Variants in MRTFB observed in about 807,000 individuals in gnomAD.
The protein encoded by MRTFB is myocardin related transcription factor B, also known as myocardin-related transcription factor B.
In MRTFB, 29 loss-of-function variants were observed where a neutral mutation model predicts 104.2. That is an observed-to-expected ratio of 0.28 (90% CI 0.21 to 0.38). The LOEUF (loss-of-function observed/expected upper bound fraction) is 0.38. MRTFB is among the 10% of genes least tolerant of loss of function. The pLI, the probability that MRTFB is intolerant of heterozygous loss-of-function variation, is 1.00. For missense variants in MRTFB, 1,270 were observed against 1,341.6 expected (o/e 0.95, Z 0.83); for synonymous variants, 535 against 519.5 (o/e 1.03, Z -0.41).
chr16:14,172,609 C>G (rs2039459022), intron 3 of MRTFB, among the ~76,000 whole-genome samples: 1 of 152,034 alleles, frequency 6.6e-6, no homozygotes, highest in Non-Finnish European at 1.5e-5. Context: ...ATTGCTTTCC[C>G]AGAGGGTTGC....
chr16:14,118,021 T>C (rs2036630865), intron 2 of MRTFB, among the ~76,000 whole-genome samples: 1 of 152,198 alleles, frequency 6.6e-6, no homozygotes, highest in Non-Finnish European at 1.5e-5. Context: ...TTGCTAGCTT[T>C]GATTTACATT....
At chr16:14,233,242 A>C (rs1204479326) in intron 8 of MRTFB, among the ~76,000 whole-genome samples, 1 of 152,226 alleles carries the variant, frequency 6.6e-6, no homozygotes, top group Non-Finnish European at 1.5e-5. Flanking sequence ...TCGGTAAAAC[A>C]GATCAGTCTT....
At chr16:14,181,444 T>A (rs937467383) in intron 3 of MRTFB, among the ~76,000 whole-genome samples, 1 of 150,310 alleles carries the variant, frequency 6.7e-6, no homozygotes. Context: ...TGACTCAGCC[T>A]GTGTGAAGGA....
Position 14,263,831 on chromosome 16 carries a change from C to T in MRTFB, c.*2387C>T, listed in dbSNP as rs570751227. The T allele has an allele frequency of 6.6e-6, 1 of 152,302 alleles. No individual in the cohort carries two copies. The highest frequency in any genetic ancestry group is 2.1e-4 in the South Asian group (1 of 4,828). 9.4% of individuals were successfully genotyped at this position (152,302 alleles called of 1,614,324 possible). On this transcript the variant is annotated 3_prime_UTR_variant, in exon 17 of 17. Transcript: ENST00000571589. ...ATCTCTACCCATTAACTCTGCAAGC[C>T]ACTCCACTTGCACCATTCCGCTTGA... is the stretch of plus-strand genomic sequence containing the variant.
intron 2 of MRTFB, among the ~76,000 whole-genome samples, chr16:14,117,549 G>A (rs1414670002): frequency 6.6e-6 from 1 of 152,208 alleles, no homozygotes; most frequent in East Asian, 1.9e-4. Context: ...AATGTCTGTT[G>A]TGTTTGTTTA....
chr16:14,237,573 T>G (rs1435403024), intron 9 of MRTFB, among the ~76,000 whole-genome samples: 2 of 152,214 alleles, frequency 1.3e-5, no homozygotes, highest in Admixed American at 6.5e-5. Context: ...GAAATGAGTC[T>G]GTAGCTTGAT....
intron 3 of MRTFB, among the ~76,000 whole-genome samples, chr16:14,162,896 A>T (rs1461270723): frequency 6.6e-6 from 1 of 152,208 alleles, no homozygotes; most frequent in African/African-American, 2.4e-5. Context: ...ATAGGTAACA[A>T]ATAGAAATCC....
At chr16:14,028,626 A>C in the MRTFB span, among the ~76,000 whole-genome samples, 1 of 152,216 alleles carries the variant, frequency 6.6e-6, no homozygotes, top group Non-Finnish European at 1.5e-5. Context: ...GCCTGCCTGC[A>C]ACTCGGAATT....
At chr16:14,145,252 T>G (rs2038250877) in intron 3 of MRTFB, among the ~76,000 whole-genome samples, 1 of 151,964 alleles carries the variant, frequency 6.6e-6, no homozygotes, top group African/African-American at 2.4e-5. Flanking sequence ...AAAGTATTGT[T>G]TAGATATTAT....
intron 2 of MRTFB, among the ~76,000 whole-genome samples, chr16:14,101,206 C>G (rs1461568544): frequency 1.4e-5 from 2 of 141,370 alleles, no homozygotes; most frequent in Non-Finnish European, 3.0e-5. Context: ...TGAGCTGTTT[C>G]CTCTCTAAGA....
At chr16:14,215,507 C>T (rs2041378332) in intron 6 of MRTFB, among the ~76,000 whole-genome samples, 1 of 152,218 alleles carries the variant, frequency 6.6e-6, no homozygotes, top group Non-Finnish European at 1.5e-5. Flanking sequence ...GCTCTACTTA[C>T]TTACTTACTT....
chr16:14,086,726 A>G (rs1444987394), intron 2 of MRTFB, among the ~76,000 whole-genome samples: 1 of 152,210 alleles, frequency 6.6e-6, no homozygotes, highest in Non-Finnish European at 1.5e-5. Context: ...TGCATGCTTT[A>G]AAGCCCTGAT....
At chr16:14,193,476 G>T (rs541909608) in intron 3 of MRTFB, among the ~76,000 whole-genome samples, 1 of 151,920 alleles carries the variant, frequency 6.6e-6, no homozygotes, top group Non-Finnish European at 1.5e-5. Flanking sequence ...TTCAGATGTC[G>T]CCTTCTCACA....
chr16:14,101,167 T>A (rs2035684780), intron 2 of MRTFB, among the ~76,000 whole-genome samples: 1 of 145,036 alleles, frequency 6.9e-6, no homozygotes, highest in Non-Finnish European at 1.5e-5. Flanking sequence ...ATTTTAAGGG[T>A]AAAGTGTAGT....
the MRTFB span, among the ~76,000 whole-genome samples, chr16:14,046,137 T>C: frequency 6.6e-6 from 1 of 152,108 alleles, no homozygotes; most frequent in Non-Finnish European, 1.5e-5. Context: ...TGTTTCTCTG[T>C]CAGATCCCTC....
intron 3 of MRTFB, among the ~76,000 whole-genome samples, chr16:14,183,543 TA>T (rs1567424559): frequency 6.6e-6 from 1 of 152,120 alleles, no homozygotes; most frequent in African/African-American, 2.4e-5. Context: ...TAATTTGATA[TA>T]TCTATACCGA....
At chr16:14,259,831 ATGACTACTGATAAT>A (rs1406595566) in intron 16 of MRTFB, among the ~76,000 whole-genome samples, 2 of 152,246 alleles carry the variant, frequency 1.3e-5, no homozygotes, top group Non-Finnish European at 2.9e-5. Flanking sequence ...AGTTTTAGAG[ATGACTACTGATAAT>A]TAAAAGTAAC....
intron 2 of MRTFB, among the ~76,000 whole-genome samples, chr16:14,085,348 T>C (rs1324516052): frequency 6.6e-6 from 1 of 151,028 alleles, no homozygotes; most frequent in African/African-American, 2.4e-5. Context: ...TCCCAGCTAC[T>C]TGGGAGGCTG....
At chr16:14,221,469 T>C (rs1413432621) in intron 8 of MRTFB, among the ~76,000 whole-genome samples, 1 of 152,190 alleles carries the variant, frequency 6.6e-6, no homozygotes, top group African/African-American at 2.4e-5. Context: ...CTTACTTTAC[T>C]TAACTGATTT....
Sources: gnomAD v4.1 joint callset for allele counts (sites outside exome capture counted in the v4.1 genomes callset) on GRCh38, gnomAD v4.1.1 for gene constraint, MANE v1.5 for transcripts, NCBI Gene and HGNC (gene_info 2026-07-23, HGNC 2026-07-21) for gene names.